Variants in TMEM272 observed in about 807,000 individuals in gnomAD.
The protein encoded by TMEM272 is long intergenic non-protein coding RNA 282.
A neutral mutation model predicts 3.7 loss-of-function variants in TMEM272; 8 were observed. The ratio of observed to expected loss-of-function variants is 2.17; its 90% CI spans 1.27 to 3.91. The LOEUF (loss-of-function observed/expected upper bound fraction) is 3.91. TMEM272 is among the 30% of genes most tolerant of loss of function. The pLI is 0.00. For missense variants in TMEM272, 166 were observed against 91.5 expected (o/e 1.81, Z -3.32); for synonymous variants, 63 against 39.8 (o/e 1.58, Z -2.20).
the TMEM272 span, among the ~76,000 whole-genome samples, chr13:51,887,315 C>A: frequency 6.6e-6 from 1 of 152,150 alleles, no homozygotes; most frequent in Non-Finnish European, 1.5e-5. Context: ...TTAGCAATTA[C>A]CTGAGCACTG....
At chr13:51,847,287 A>G (rs983515670), upstream of TMEM272, among the ~76,000 whole-genome samples, 6 of 152,128 alleles carry the variant, frequency 3.9e-5, no homozygotes, top group Admixed American at 6.5e-5. Flanking sequence ...TTACCACCTG[A>G]GCTCCACTTC....
At chr13:51,878,065 G>A in the TMEM272 span, among the ~76,000 whole-genome samples, 2 of 152,212 alleles carry the variant, frequency 1.3e-5, no homozygotes. Flanking sequence ...GGCAGAAGAG[G>A]GAGCAAGCAT....
At chr13:51,897,707 A>G in the TMEM272 span, among the ~76,000 whole-genome samples, 2 of 151,276 alleles carry the variant, frequency 1.3e-5, no homozygotes, top group Admixed American at 6.6e-5. Context: ...TGGGTATATC[A>G]CCTGAGGTCA....
chr13:51,859,505 AACACACACACAC>A, the TMEM272 span, among the ~76,000 whole-genome samples: 23 of 129,946 alleles, frequency 1.8e-4, no homozygotes, highest in South Asian at 2.7e-4. Context: ...CTCCCAACCA[AACACACACACAC>A]ACACACACAC....
chr13:51,850,174 T>C (rs915249401), upstream of TMEM272, among the ~76,000 whole-genome samples: 8 of 152,200 alleles, frequency 5.3e-5, no homozygotes, highest in East Asian at 1.9e-4. Flanking sequence ...ATACACAAAT[T>C]TGGGGAGAAC....
the TMEM272 span, among the ~76,000 whole-genome samples, chr13:51,870,221 A>G: frequency 6.6e-6 from 1 of 152,208 alleles, no homozygotes; most frequent in African/African-American, 2.4e-5. Flanking sequence ...TTGTGGTTGG[A>G]TAATATTTTG....
chr13:51,869,500 T>G, the TMEM272 span, among the ~76,000 whole-genome samples: 1 of 151,734 alleles, frequency 6.6e-6, no homozygotes, highest in Non-Finnish European at 1.5e-5. Context: ...AATTTTTTTT[T>G]TTTTTTTGAG....
chr13:51,866,102 C>A, the TMEM272 span: 4 of 1,536,612 alleles, frequency 2.6e-6, no homozygotes, highest in Non-Finnish European at 3.5e-6. Context: ...GTGCAGGGCC[C>A]TGTGGTCCAG....
chr13:51,835,579 T>C (rs1956210153), intron 2 of TMEM272, among the ~76,000 whole-genome samples: 1 of 152,180 alleles, frequency 6.6e-6, no homozygotes, highest in Non-Finnish European at 1.5e-5. Context: ...ATGTGGAAAA[T>C]GTAGAAAACC....
chr13:51,876,181 G>C, the TMEM272 span, among the ~76,000 whole-genome samples: 2 of 152,154 alleles, frequency 1.3e-5, no homozygotes, highest in Non-Finnish European at 1.5e-5. Flanking sequence ...TCAGTGCATT[G>C]GCCTCTTGGC....
At chr13:51,928,403 C>G in the TMEM272 span, among the ~76,000 whole-genome samples, 833 of 152,316 alleles carry the variant, frequency 5.5e-3, 6 homozygotes, top group African/African-American at 0.019. Flanking sequence ...CTCAGATGAC[C>G]TCATCATACC....
the TMEM272 span, among the ~76,000 whole-genome samples, chr13:51,897,362 ATTTTTTTTTTTT>A: frequency 2.2e-3 from 179 of 82,438 alleles, no homozygotes; most frequent in South Asian, 5.1e-3. Flanking sequence ...TGTCTGGCTA[ATTTTTTTTTTTT>A]TTTTTTTTTT....
the TMEM272 span, among the ~76,000 whole-genome samples, chr13:51,860,153 C>T: frequency 6.6e-6 from 1 of 152,166 alleles, no homozygotes; most frequent in South Asian, 2.1e-4. Flanking sequence ...CCTCCCTCCT[C>T]GGCCTCCCAA....
At chr13:51,853,601 T>G in the TMEM272 span, among the ~76,000 whole-genome samples, 3 of 152,200 alleles carry the variant, frequency 2.0e-5, no homozygotes, top group Non-Finnish European at 4.4e-5. Flanking sequence ...TGGACCTCAC[T>G]GTTCACACCT....
rs1300090790 is a variant in TMEM272, at chr13:51,826,574, G to T, written c.110C>A (p.Thr37Asn). 1.4e-6 allele frequency: 1 copy of T among 702,602 alleles called. No homozygotes were observed. The highest frequency in any genetic ancestry group is 2.6e-6 in the Non-Finnish European group (1 of 385,014). The allele number at this position is 702,602 out of a possible 1,614,324, so 43.5% of individuals were successfully genotyped here. A position where few individuals can be genotyped will look rare whatever the true frequency, so the allele number is the denominator to read the frequency against. The change falls in exon 3 of 5, where the codon ACC becomes AAC. Residue 37 changes from threonine (T) to asparagine (N), a missense_variant. Coordinates refer to ENST00000629372, the MANE Select transcript of TMEM272 (RefSeq NM_001351003.2). ...CTCGGAAGGCAGCTTACCTATGAAG[G>T]TCATGGACAGCGGCAGAGCCAGGAA... Reference protein sequence around the residue: ...CAFLALPLSMTFIGMKFLEDC... With the variant: ...CAFLALPLSMNFIGMKFLEDC...
intron 1 of TMEM272, among the ~76,000 whole-genome samples, chr13:51,841,051 A>G (rs1956258572): frequency 6.6e-6 from 1 of 152,240 alleles, no homozygotes; most frequent in Non-Finnish European, 1.5e-5. Context: ...CATGAGGTTG[A>G]TTGCCACACG....
chr13:51,900,219 G>T, the TMEM272 span, among the ~76,000 whole-genome samples: 1 of 152,146 alleles, frequency 6.6e-6, no homozygotes, highest in African/African-American at 2.4e-5. Context: ...CCACAAAATG[G>T]GAGAAGATAC....
the TMEM272 span, among the ~76,000 whole-genome samples, chr13:51,872,600 C>T: frequency 6.6e-6 from 1 of 152,192 alleles, no homozygotes; most frequent in Non-Finnish European, 1.5e-5. Context: ...CAGGACACAT[C>T]ACTATGGAAT....
intron 2 of TMEM272, 65 bp from the exon 3 acceptor site, chr13:51,826,690 C>T (rs1329273997): frequency 5.7e-6 from 4 of 700,434 alleles, no homozygotes; most frequent in African/African-American, 5.2e-5. Flanking sequence ...TTCCTCTTCA[C>T]TGCAGTTTCT....
Sources: allele counts gnomAD v4.1 joint callset (sites outside exome capture counted in the v4.1 genomes callset), GRCh38; gene constraint gnomAD v4.1.1; transcripts MANE v1.5; gene names NCBI Gene and HGNC (gene_info 2026-07-23, HGNC 2026-07-21).